PPP6R1: variants seen among roughly 807,000 people sequenced by gnomAD.
The protein encoded by PPP6R1 is protein phosphatase 6 regulatory subunit 1, also known as serine/threonine-protein phosphatase 6 regulatory subunit 1.
PPP6R1 carries 39 observed loss-of-function variants against 104.6 expected under a neutral mutation model. The observed-to-expected ratio is 0.37, with a 90% CI of 0.29 to 0.49. The LOEUF (loss-of-function observed/expected upper bound fraction) is 0.49, where lower values mean the gene tolerates loss of function less well. PPP6R1 is among the 20% of genes least tolerant of loss of function. PPP6R1 has a pLI of 0.98. For missense variants in PPP6R1, 1,181 were observed against 1,155.8 expected (o/e 1.02, Z -0.32); for synonymous variants, 549 against 479.0 (o/e 1.15, Z -1.91).
chr19:55,228,297 C>G, downstream of PPP6R1: 1 of 1,613,674 alleles, frequency 6.2e-7, no homozygotes, highest in Non-Finnish European at 8.5e-7. Flanking sequence ...ACATGACCCA[C>G]AGGAACCCAG....
intron 1 of PPP6R1, among the ~76,000 whole-genome samples, chr19:55,253,891 T>C (rs997115260): frequency 6.6e-6 from 1 of 152,052 alleles, no homozygotes; most frequent in African/African-American, 2.4e-5. Flanking sequence ...TGAGTCTCAT[T>C]TCCTCATCCG....
Position 55,230,928 on chromosome 19 carries a change from GT to G in PPP6R1, c.2460-45del, listed in dbSNP as rs774014660. 7 of 1,462,084 alleles carry G rather than the reference GT, an allele frequency of 4.8e-6. No individual in the cohort carries two copies. The East Asian group carries it at 1.4e-4, about 29-fold the overall frequency. The allele number at this position is 1,462,084 out of a possible 1,614,324, so 90.6% of individuals were successfully genotyped here. On this transcript the variant is annotated intron_variant, in intron 21 of 23. Transcript: ENST00000412770. Reference sequence around the variant, plus strand: ...TGCGGCTGTCAGCGTGGCCCCCACCGTCACCTGCTGACACCCTCACATCCCA... The same window carrying G: ...TGCGGCTGTCAGCGTGGCCCCCACCGCACCTGCTGACACCCTCACATCCCA...
chr19:55,248,286 A>T lies in PPP6R1; in HGVS notation c.-6-1177T>A, dbSNP rs150788416. ...AAGAAAGCTGTCATCACTCCGCCACACAGGACAAGGGGCAACCAAAGCCCG... is the reference window on the plus strand; with the variant it reads ...AAGAAAGCTGTCATCACTCCGCCACTCAGGACAAGGGGCAACCAAAGCCCG... On this transcript the variant is annotated intron_variant, in intron 1 of 23. Coordinates refer to ENST00000412770, the MANE Select transcript of PPP6R1 (RefSeq NM_014931.4). Among the ~76,000 whole-genome samples the T allele has an allele frequency of 1.7e-4, 26 of 152,246 alleles. No individual in the cohort carries two copies. In the East Asian group the frequency reaches 5.0e-3, roughly 29 times the overall value.
intron 22 of PPP6R1, 44 bp from the exon 23 acceptor site, chr19:55,230,728 C>A: frequency 6.7e-7 from 1 of 1,495,228 alleles, no homozygotes; most frequent in Non-Finnish European, 9.0e-7. Context: ...CTTCCTGCCC[C>A]ACCAGCCCCA....
chr19:55,238,338 T>A (rs1031569448), intron 15 of PPP6R1, among the ~76,000 whole-genome samples: 1 of 152,228 alleles, frequency 6.6e-6, no homozygotes, highest in Non-Finnish European at 1.5e-5. Context: ...AGGACCTCTG[T>A]CCAGCTGTGG....
Position 55,246,963 on chromosome 19 carries a change from G to A in PPP6R1, c.141C>T (p.Phe47=), listed in dbSNP as rs377346322. 1 of 1,613,772 alleles carries A rather than the reference G, an allele frequency of 6.2e-7. No individual in the cohort carries two copies. Among genetic ancestry groups the A allele is most frequent in the African/African-American group, 1.3e-5 (1 of 74,924 alleles). The part of the protein sequence containing the change: ...CKVVNRKLLD[F]LLQPPHLQAM... ...CTTGCAGGTGGGGTGGCTGCAGCAG[G>A]AAGTCCAGCAGCTTGCGGTTGACGA... The change falls in exon 2 of 24, where the codon TTC becomes TTT. Residue 47 remains phenylalanine (F), a synonymous_variant. Coordinates refer to ENST00000412770, the MANE Select transcript of PPP6R1 (RefSeq NM_014931.4).
intron 21 of PPP6R1, 54 bp downstream of exon 21, chr19:55,231,356 C>T (rs945533443): frequency 2.2e-5 from 33 of 1,513,738 alleles, no homozygotes; most frequent in Middle Eastern, 2.2e-4. Flanking sequence ...CCCACCTCAG[C>T]GAAGAGGAGA....
In PPP6R1 at chr19:55,242,180, C is replaced by G. The variant is rs764280306; in HGVS notation, c.831G>C (p.Glu277Asp). The change falls in exon 7 of 24, where the codon GAG (glutamate) becomes GAC (aspartate). Residue 277 changes from glutamate (E) to aspartate (D), a missense_variant. Transcript: ENST00000412770. ...SGIQVLLTLL[E>D]PRRPRSESVT... ...GTATCCCTCACCTCGGCCTCCTGGG[C>G]TCCAGCAGGGTCAGCAGCACCTGGA... 12 of 1,613,338 alleles carry G rather than the reference C, an allele frequency of 7.4e-6. No homozygotes were observed. The highest frequency in any genetic ancestry group is 4.2e-6 in the Non-Finnish European group (5 of 1,179,840).
Position 55,239,873 on chromosome 19 carries a change from C to A in PPP6R1, c.1516G>T (p.Val506Leu). Residue 506 changes from valine to leucine, a missense_variant, in exon 13 of 24, where the codon GTA (valine) becomes TTA (leucine). Around this residue, in one of 2 missense-constraint regions of PPP6R1, gnomAD observed 1,042 missense variants for 955.6 expected, o/e 1.09. Transcript: ENST00000412770. ...TTGGTCTCCGCCAGGGGCCCCGATA[C>A]GAAGGCTTCCCACTGCTCCTGCTGC... ...SEQQEQWEAF[V>L]SGPLAETNKK... 1 of 1,613,936 alleles carries A rather than the reference C, an allele frequency of 6.2e-7. No individual in the cohort carries two copies.
intron 10 of PPP6R1, 124 bp downstream of exon 10, chr19:55,240,821 C>T (rs1157339176): frequency 2.4e-5 from 32 of 1,346,582 alleles, no homozygotes; most frequent in South Asian, 1.9e-4. Context: ...CCCATCTGGG[C>T]GCTGGCACCT....
intron 5 of PPP6R1, among the ~76,000 whole-genome samples, chr19:55,243,423 A>T (rs1211955714): frequency 6.6e-6 from 1 of 150,940 alleles, no homozygotes; most frequent in Non-Finnish European, 1.5e-5. Flanking sequence ...AAAAAAAAAA[A>T]GAAAGGCCAA....
At position 55,240,285 on chromosome 19, in the gene PPP6R1, G is replaced by A. The variant is rs745874980; in HGVS notation, c.1312C>T (p.Arg438Cys). Residue 438 changes from arginine to cysteine, a missense_variant, in exon 11 of 24, where the codon CGC becomes TGC. This residue lies in a region of PPP6R1 where 1,042 missense variants were observed against 955.6 expected (regional missense o/e 1.09). Coordinates refer to ENST00000412770, the MANE Select transcript of PPP6R1 (RefSeq NM_014931.4). ...PVVKHLLQQC[R>C]LVERILTSWE... ...GACGTCAGGATCCGCTCCACCAGGC[G>A]GCACTGCTGCAGCAGCTGCGGGAGA... 1.1e-5 allele frequency: 17 copies of A among 1,592,960 alleles called. No homozygotes were observed. The East Asian group carries it at 1.1e-4, about 11-fold the overall frequency.
rs952399307 is a variant in PPP6R1, at chr19:55,232,116, G to A, written c.2084C>T (p.Ala695Val). Reference protein sequence around the residue: ...EGIGCAARGGATPLSYPSPGP... With the variant: ...EGIGCAARGGVTPLSYPSPGP... Reference sequence around the variant, plus strand: ...AGGGCTGGGGTAGGACAGAGGGGTGGCCCCTCCACGGGCTGCACAGCCAAT... The same window carrying A: ...AGGGCTGGGGTAGGACAGAGGGGTGACCCCTCCACGGGCTGCACAGCCAAT... The change falls in exon 18 of 24, where the codon GCC becomes GTC. Residue 695 changes from alanine (A) to valine (V), a missense_variant. Transcript: ENST00000412770. 23 of 1,602,836 alleles carry A rather than the reference G, an allele frequency of 1.4e-5. No individual in the cohort carries two copies. The highest frequency in any genetic ancestry group is 1.9e-5 in the Non-Finnish European group (22 of 1,174,860).
At chr19:55,231,059 G>A in intron 21 of PPP6R1, 175 bp from the exon 22 acceptor site, 1 of 633,682 alleles carries the variant, frequency 1.6e-6, no homozygotes, top group Non-Finnish European at 2.8e-6. Flanking sequence ...CACAGCCCTG[G>A]ACAGGAAGAC....
chr19:55,230,344 C>T lies in PPP6R1; in HGVS notation c.*184G>A. ...GGCAACGCTCCAAAACTTCTCTTCT[C>T]AGTGCAAATGGGGGTGGGTTGGGCC... On this transcript the variant is annotated 3_prime_UTR_variant, in exon 24 of 24. Transcript: ENST00000412770. 1 of 758,584 alleles carries T rather than the reference C, an allele frequency of 1.3e-6. No individual in the cohort carries two copies. The highest frequency in any genetic ancestry group is 2.1e-6 in the Non-Finnish European group (1 of 473,882). The allele number at this position is 758,584 out of a possible 1,614,324, so 47.0% of individuals were successfully genotyped here.
intron 2 of PPP6R1, 125 bp downstream of exon 2, chr19:55,246,752 G>A (rs951874124): frequency 2.2e-5 from 21 of 972,284 alleles, no homozygotes; most frequent in Non-Finnish European, 2.8e-5. Context: ...TCCCAGCCTC[G>A]TCTTCCTCAT....
chr19:55,252,342 G>A (rs1177439567), intron 1 of PPP6R1, among the ~76,000 whole-genome samples: 1 of 145,140 alleles, frequency 6.9e-6, no homozygotes, highest in Non-Finnish European at 1.5e-5. Flanking sequence ...CATATCTCCT[G>A]CCTCAGCCTC....
chr19:55,242,359 C>T lies in PPP6R1; in HGVS notation c.731+17G>A. ...CAAGTCAGCTCCCCCCAGCCTTAGC[C>T]TTGCCCGCACACCCACTTCTCCAGG... On this transcript the variant is annotated intron_variant, in intron 6 of 23. Coordinates refer to ENST00000412770, the MANE Select transcript of PPP6R1 (RefSeq NM_014931.4). The T allele has an allele frequency of 6.2e-7, 1 of 1,612,624 alleles. No individual in the cohort carries two copies. The highest frequency in any genetic ancestry group is 8.5e-7 in the Non-Finnish European group (1 of 1,178,656).
rs571953278 is a variant in PPP6R1, at chr19:55,241,390, A to C, written c.1010T>G (p.Leu337Arg). 6.2e-7 allele frequency: 1 copy of C among 1,606,816 alleles called. No individual in the cohort carries two copies. Among genetic ancestry groups the C allele is most frequent in the South Asian group, 1.1e-5 (1 of 90,534 alleles). Residue 337 changes from leucine to arginine, a missense_variant and splice_region_variant, in exon 9 of 24, where the codon CTG (leucine) becomes CGG (arginine). Leu to Arg is a moderately radical substitution (Grantham distance 102, BLOSUM62 -2). Coordinates refer to ENST00000412770, the MANE Select transcript of PPP6R1 (RefSeq NM_014931.4). The surrounding 1 kb of genome is among the most constrained non-coding windows in gnomAD (Gnocchi z 5.4). The part of the protein sequence containing the change: ...FHQLLLEPPK[L>R]EPLQMTWGML... ...GCCCCATGTCATCTGTAGCGGCTCC[A>C]GCTGCAGACACAGGGAGGCCTGATT...
Sources: allele counts gnomAD v4.1 joint callset (sites outside exome capture counted in the v4.1 genomes callset), GRCh38; gene constraint gnomAD v4.1.1; regional missense constraint gnomAD v4.1.1; non-coding constraint Gnocchi (gnomAD v3.1); transcripts MANE v1.5; gene names NCBI Gene and HGNC (gene_info 2026-07-23, HGNC 2026-07-21).